Variants in KYAT3 observed in about 807,000 individuals in gnomAD.
KYAT3 encodes the protein kynurenine aminotransferase 3.
KYAT3 carries 50 observed loss-of-function variants against 59.0 expected under a neutral mutation model. The observed-to-expected ratio is 0.85, with a 90% CI of 0.68 to 1.07. The LOEUF (loss-of-function observed/expected upper bound fraction) is 1.07. Among genes scored for constraint, KYAT3 ranks in the 50% least tolerant of loss-of-function variants. KYAT3 has a pLI of 0.00. For synonymous variants in KYAT3, 148 were observed against 177.0 expected, an observed-to-expected ratio of 0.84 and a Z score of 1.30; for missense variants, 497 against 533.3, an observed-to-expected ratio of 0.93 and a Z score of 0.67.
intron 4 of KYAT3, among the ~76,000 whole-genome samples, chr1:88,967,257 T>C (rs1044643750): frequency 1.3e-5 from 2 of 152,066 alleles, no homozygotes; most frequent in Non-Finnish European, 2.9e-5. Flanking sequence ...ATTACCCTGA[T>C]ACAAAACCCC....
At chr1:88,991,596 C>T (rs1022023851) in intron 1 of KYAT3, among the ~76,000 whole-genome samples, 6 of 152,206 alleles carry the variant, frequency 3.9e-5, no homozygotes, top group African/African-American at 1.4e-4. Context: ...CGCTTCAAAG[C>T]CACGTCTTTA....
At chr1:88,925,321 C>T in the KYAT3 span, among the ~76,000 whole-genome samples, 1 of 152,336 alleles carries the variant, frequency 6.6e-6, no homozygotes, top group East Asian at 1.9e-4. Flanking sequence ...CTGACCCATA[C>T]CTCCTGGGTC....
rs150664359 is a variant in KYAT3, at chr1:88,946,665, AT to A, written c.1141+2425del. 5.7e-3 allele frequency among the ~76,000 whole-genome samples: 867 copies of A among 152,126 alleles called. 4 individuals are homozygous for A. The highest frequency in any genetic ancestry group is 9.2e-3 in the Non-Finnish European group (623 of 67,992). On this transcript the variant is annotated intron_variant, in intron 11 of 13. Transcript: ENST00000260508. ...AATATAAGTGATGACAACTGTGCTA[AT>A]TTTTTTTATCATTTCATAAAATGAA...
intron 8 of KYAT3, among the ~76,000 whole-genome samples, chr1:88,959,096 A>G (rs1292001345): frequency 6.6e-6 from 1 of 152,026 alleles, no homozygotes; most frequent in African/African-American, 2.4e-5. Context: ...CGAGCAACAT[A>G]GTGAGATGCT....
chr1:88,973,578 A>T (rs1326455731), intron 2 of KYAT3, among the ~76,000 whole-genome samples: 6 of 152,180 alleles, frequency 3.9e-5, no homozygotes, highest in African/African-American at 1.2e-4. Flanking sequence ...CTGTGATATG[A>T]CTTTGGCTAC....
intron 5 of KYAT3, 91 bp downstream of exon 5, chr1:88,964,738 G>A: frequency 9.8e-7 from 1 of 1,018,252 alleles, no homozygotes; most frequent in African/African-American, 1.6e-5. Context: ...AAAATAAAAA[G>A]AGAAAAGAGT....
chr1:88,922,301 T>C, the KYAT3 span, among the ~76,000 whole-genome samples: 4 of 152,122 alleles, frequency 2.6e-5, no homozygotes, highest in South Asian at 2.1e-4. Flanking sequence ...GACAATACCA[T>C]GCAGGGTAGT....
chr1:88,974,363 T>C (rs954002801), intron 2 of KYAT3, among the ~76,000 whole-genome samples: 1 of 152,134 alleles, frequency 6.6e-6, no homozygotes, highest in African/African-American at 2.4e-5. Flanking sequence ...AATTACAACG[T>C]ATGTTTTTGG....
chr1:88,925,824 A>C, the KYAT3 span, among the ~76,000 whole-genome samples: 24 of 152,258 alleles, frequency 1.6e-4, no homozygotes, highest in African/African-American at 5.5e-4. Flanking sequence ...AAACAAACAA[A>C]AACCAGTGTG....
chr1:88,965,309 G>A (rs1676305102), intron 4 of KYAT3, among the ~76,000 whole-genome samples: 1 of 152,012 alleles, frequency 6.6e-6, no homozygotes, highest in South Asian at 2.1e-4. Context: ...GAAAAGAGTT[G>A]GATTTGTTTC....
rs767531553 is a variant in KYAT3 at position 88,961,354 on chromosome 1, CTG to C, written c.666+25_666+26del. The C allele has an allele frequency of 6.2e-5, 100 of 1,613,496 alleles. No homozygotes were observed. In the Middle Eastern group the frequency reaches 6.6e-4, roughly 11 times the overall value. On this transcript the variant is annotated intron_variant, in intron 7 of 13. Transcript: ENST00000260508. ...TGTGAGAAAATGATAGGTCAGAAGACTGTATAAGGAGATGAGACTTGCTTACC... is the reference window on the plus strand; with the variant it reads ...TGTGAGAAAATGATAGGTCAGAAGACTATAAGGAGATGAGACTTGCTTACC...
At chr1:88,984,203 G>GTTTTT (rs1557707537) in intron 2 of KYAT3, 8 of 98,318 alleles carry the variant, frequency 8.1e-5, no homozygotes, top group Non-Finnish European at 1.5e-4. Context: ...TTTTTTTGTT[G>GTTTTT]CTTTTTTTTT....
intron 2 of KYAT3, among the ~76,000 whole-genome samples, chr1:88,975,666 C>T (rs1169555926): frequency 2.0e-5 from 3 of 152,198 alleles, no homozygotes; most frequent in South Asian, 2.1e-4. Flanking sequence ...ATTATATATA[C>T]AACACAGAGT....
At chr1:88,983,800 C>T (rs74100106) in intron 2 of KYAT3, 1 of 1,432,628 alleles carries the variant, frequency 7.0e-7, no homozygotes, top group Non-Finnish European at 9.4e-7. Flanking sequence ...CAATGAAGAG[C>T]TTTCCTGGGC....
intron 9 of KYAT3, 101 bp downstream of exon 9, chr1:88,955,048 G>A (rs1432010901): frequency 1.2e-5 from 9 of 772,550 alleles, no homozygotes; most frequent in South Asian, 7.6e-5. Context: ...TTACAGGCAT[G>A]AGCCACCATG....
chr1:88,966,150 C>T lies in KYAT3; in HGVS notation c.304-1172G>A, dbSNP rs539297581. ...GCAACACCACTCTCAGTGCTTATACCAATATAAAAACACATAGACATGTAT... is the reference window on the plus strand; with the variant it reads ...GCAACACCACTCTCAGTGCTTATACTAATATAAAAACACATAGACATGTAT... On this transcript the variant is annotated intron_variant, in intron 4 of 13. Transcript: ENST00000260508. Among the ~76,000 whole-genome samples the T allele has an allele frequency of 1.1e-4, 16 of 152,108 alleles. No individual in the cohort carries two copies. In the South Asian group the frequency reaches 1.9e-3, roughly 18 times the overall value.
At chr1:88,926,741 G>A in the KYAT3 span, among the ~76,000 whole-genome samples, 11 of 152,206 alleles carry the variant, frequency 7.2e-5, no homozygotes, top group African/African-American at 2.4e-4. Flanking sequence ...CTCCTCAAAC[G>A]TGGGAGCTGT....
At position 88,969,356 on chromosome 1, in the gene KYAT3, C is replaced by T. The variant is rs928689324; in HGVS notation, c.158+53G>A. The T allele has an allele frequency of 5.2e-5, 58 of 1,119,444 alleles. No individual in the cohort carries two copies. The African/African-American group carries it at 5.8e-4, about 11-fold the overall frequency. The allele number at this position is 1,119,444 out of a possible 1,614,324, so 69.3% of individuals were successfully genotyped here. ...CAAAAAAAACTCCCATCTAAAGATA[C>T]GAAAATATGTAGGAAACCCTCACTA... On this transcript the variant is annotated intron_variant, in intron 3 of 13. Transcript: ENST00000260508.
chr1:88,956,044 C>T (rs1278296119), intron 8 of KYAT3, among the ~76,000 whole-genome samples: 3 of 152,140 alleles, frequency 2.0e-5, no homozygotes, highest in African/African-American at 7.2e-5. Context: ...TTAGCTATCA[C>T]TCTTTAATAT....
Sources: allele counts gnomAD v4.1 joint callset (sites outside exome capture counted in the v4.1 genomes callset), GRCh38; gene constraint gnomAD v4.1.1; transcripts MANE v1.5; gene names NCBI Gene and HGNC (gene_info 2026-07-23, HGNC 2026-07-21).